RNF220: variants seen among roughly 807,000 people sequenced by gnomAD.
The protein encoded by RNF220 is E3 ubiquitin-protein ligase RNF220.
In RNF220, 7 loss-of-function variants were observed where a neutral mutation model predicts 67.1. The ratio of observed to expected loss-of-function variants is 0.10; its 90% confidence interval spans 0.06 to 0.20. RNF220 has a LOEUF of 0.20. Among genes scored for constraint, RNF220 ranks in the 10% least tolerant of loss-of-function variants. RNF220 has a pLI of 1.00. For missense variants in RNF220, 565 were observed against 740.3 expected, an observed-to-expected ratio of 0.76 and a Z score of 2.75; for synonymous variants, 270 against 283.2, an observed-to-expected ratio of 0.95 and a Z score of 0.47.
chr1:44,641,884 G>A (rs879088642), intron 8 of RNF220, among the ~76,000 whole-genome samples: 1 of 152,240 alleles, frequency 6.6e-6, no homozygotes, highest in Admixed American at 6.5e-5. Context: ...AAAGTGTGTC[G>A]TGCTGTCCAT....
chr1:44,649,562 A>G lies in RNF220; in HGVS notation c.1446-99A>G. The G allele has an allele frequency of 9.3e-7, 1 of 1,076,824 alleles. No individual in the cohort carries two copies. Among genetic ancestry groups the G allele is most frequent in the Non-Finnish European group, 1.4e-6 (1 of 706,584 alleles). The allele number at this position is 1,076,824 out of a possible 1,614,324, so 66.7% of individuals were successfully genotyped here. Reference sequence around the variant, plus strand: ...GGGGGCAGGCAGGGATGCCTAGGGGACATTTATGTATTTGGTTCTGGAATT... The same window carrying G: ...GGGGGCAGGCAGGGATGCCTAGGGGGCATTTATGTATTTGGTTCTGGAATT... On this transcript the variant is annotated intron_variant, in intron 12 of 14. Coordinates refer to ENST00000361799, the MANE Select transcript of RNF220 (RefSeq NM_018150.4). The surrounding 1 kb of genome is among the most constrained non-coding windows in gnomAD (Gnocchi z 5.9).
chr1:44,539,205 A>G (rs1001173050), intron 2 of RNF220, among the ~76,000 whole-genome samples: 1 of 152,116 alleles, frequency 6.6e-6, no homozygotes, highest in Non-Finnish European at 1.5e-5. Context: ...TGGGTGACAG[A>G]GTGAGACTCC....
At position 44,649,808 on chromosome 1, in the gene RNF220, T is replaced by C. The variant is rs1203499699; in HGVS notation, c.1554+39T>C. The C allele has an allele frequency of 1.9e-6, 3 of 1,613,496 alleles. No homozygotes were observed. Among genetic ancestry groups the C allele is most frequent in the African/African-American group, 1.3e-5 (1 of 74,878 alleles). ...AACCTAGGGGTGCCCTTGGTCAGGC[T>C]TCCACGCCCTCTGGGGGAGTTGGAG... On this transcript the variant is annotated intron_variant, in intron 13 of 14. Transcript: ENST00000361799. This position sits in a 1 kb window ranked among gnomAD's most constrained non-coding sequence, Gnocchi z 5.9.
At chr1:44,599,977 T>C (rs1461747808) in intron 2 of RNF220, among the ~76,000 whole-genome samples, 1 of 151,832 alleles carries the variant, frequency 6.6e-6, no homozygotes, top group Non-Finnish European at 1.5e-5. Flanking sequence ...GACCTAAGAG[T>C]AGGGACTGAA....
intron 2 of RNF220, among the ~76,000 whole-genome samples, chr1:44,515,282 TGGAAATG>T (rs986506932): frequency 7.2e-5 from 11 of 152,086 alleles, no homozygotes; most frequent in Non-Finnish European, 1.5e-4. Context: ...TAGAATCAAA[TGGAAATG>T]GGGCTCTTAG....
chr1:44,432,393 C>T (rs1650483098), intron 2 of RNF220, among the ~76,000 whole-genome samples: 1 of 150,970 alleles, frequency 6.6e-6, no homozygotes. Flanking sequence ...GTCTCAGCCT[C>T]CTGAGTAGCA....
chr1:44,487,696 T>C (rs11584927), intron 2 of RNF220, among the ~76,000 whole-genome samples: 89,388 of 139,926 alleles, frequency 0.64, 33,200 homozygotes, highest in Middle Eastern at 0.79. Flanking sequence ...ATAATAATAA[T>C]AATAATAATA....
chr1:44,518,270 A>T (rs1207160803), intron 2 of RNF220, among the ~76,000 whole-genome samples: 1 of 152,074 alleles, frequency 6.6e-6, no homozygotes, highest in East Asian at 1.9e-4. Flanking sequence ...TATAAAAAAT[A>T]AAAAAATAAG....
rs1644600227 is a variant in RNF220, at chr1:44,645,122, C to G, written c.1310+41C>G. The G allele has an allele frequency of 6.2e-7, 1 of 1,612,926 alleles. No individual in the cohort carries two copies. Among genetic ancestry groups the G allele is most frequent in the East Asian group, 2.2e-5 (1 of 44,850 alleles). ...GGCTTGGGCGGGTGGAGCAGAGAAA[C>G]AGGAAGCCCTGAGGCAGGGGTTAAC... On this transcript the variant is annotated intron_variant, in intron 10 of 14. Coordinates refer to ENST00000361799, the MANE Select transcript of RNF220 (RefSeq NM_018150.4). The surrounding 1 kb of genome is among the most constrained non-coding windows in gnomAD (Gnocchi z 5.0).
chr1:44,548,828 C>T (rs995797899), intron 2 of RNF220, among the ~76,000 whole-genome samples: 1 of 152,134 alleles, frequency 6.6e-6, no homozygotes, highest in Non-Finnish European at 1.5e-5. Flanking sequence ...TGCTGTCTTC[C>T]CTAACCCCTC....
rs115941265 is a variant in RNF220, at chr1:44,415,198, C to T, written c.625+2476C>T. On this transcript the variant is annotated intron_variant, in intron 2 of 14. Transcript: ENST00000361799. ...GCTCCTGTCATATGCCGACGTGTGT[C>T]GGAATATTTATGGTCTGTTTTATGT... 2.5e-3 allele frequency among the ~76,000 whole-genome samples: 385 copies of T among 151,718 alleles called. 5 individuals are homozygous for T. The highest frequency in any genetic ancestry group is 8.9e-3 in the African/African-American group (368 of 41,288).
intron 2 of RNF220, among the ~76,000 whole-genome samples, chr1:44,593,308 C>T (rs1452670098): frequency 6.6e-6 from 1 of 152,192 alleles, no homozygotes; most frequent in Non-Finnish European, 1.5e-5. Flanking sequence ...AACACAGCAT[C>T]GGACTATTAG....
At chr1:44,553,361 G>T (rs1273091149) in intron 2 of RNF220, among the ~76,000 whole-genome samples, 1 of 138,036 alleles carries the variant, frequency 7.2e-6, no homozygotes, top group African/African-American at 2.8e-5. Flanking sequence ...ACAAATATTT[G>T]CTGAGTATAA....
chr1:44,593,648 A>G (rs1346136355), intron 2 of RNF220, among the ~76,000 whole-genome samples: 4 of 152,072 alleles, frequency 2.6e-5, no homozygotes, highest in Non-Finnish European at 5.9e-5. Flanking sequence ...TCTGAGCTCA[A>G]GAGTTCGAGG....
At chr1:44,581,833 A>C (rs1296750262) in intron 2 of RNF220, among the ~76,000 whole-genome samples, 1 of 152,082 alleles carries the variant, frequency 6.6e-6, no homozygotes, top group Non-Finnish European at 1.5e-5. Flanking sequence ...TTCTTGCTCC[A>C]TTCTTGTGTT....
intron 2 of RNF220, among the ~76,000 whole-genome samples, chr1:44,599,320 A>C (rs1363843105): frequency 6.6e-6 from 1 of 152,226 alleles, no homozygotes; most frequent in Non-Finnish European, 1.5e-5. Flanking sequence ...CATGAAAAAG[A>C]GAGTAGTTAA....
chr1:44,494,276 T>C (rs1004256755), intron 2 of RNF220, among the ~76,000 whole-genome samples: 2 of 149,438 alleles, frequency 1.3e-5, no homozygotes, highest in African/African-American at 4.9e-5. Flanking sequence ...GGAGAAGGGA[T>C]GAAGGGATAA....
At chr1:44,539,457 G>A (rs1308715561) in intron 2 of RNF220, among the ~76,000 whole-genome samples, 1 of 152,080 alleles carries the variant, frequency 6.6e-6, no homozygotes, top group African/African-American at 2.4e-5. Context: ...CACTCTACGT[G>A]CCATGCACCA....
rs11379941 is a variant in RNF220, at chr1:44,459,186, G to GTT, written c.625+46472_625+46473dup. On this transcript the variant is annotated intron_variant, in intron 2 of 14. Coordinates refer to ENST00000361799, the MANE Select transcript of RNF220 (RefSeq NM_018150.4). The stretch of plus-strand genomic sequence containing the variant: ...TTTACCATGGTGATTCTTTTGGTGG[G>GTT]TTTTTTTTTAATTTCAAGGTTTTTC... Among the ~76,000 whole-genome samples the GTT allele has an allele frequency of 3.3e-3, 504 of 151,456 alleles. 4 individuals are homozygous for GTT. Among genetic ancestry groups the GTT allele is most frequent in the African/African-American group, 0.011 (460 of 41,290 alleles).
Sources: allele counts gnomAD v4.1 joint callset (sites outside exome capture counted in the v4.1 genomes callset), GRCh38; gene constraint gnomAD v4.1.1; non-coding constraint Gnocchi (gnomAD v3.1); transcripts MANE v1.5; gene names NCBI Gene and HGNC (gene_info 2026-07-23, HGNC 2026-07-21).